SARS2: variants seen among roughly 807,000 people sequenced by gnomAD.
SARS2 encodes serine--tRNA ligase, mitochondrial.
In SARS2, 52 loss-of-function variants were observed where a neutral mutation model predicts 66.8. The observed-to-expected ratio is 0.78, with a 90% CI of 0.62 to 0.98. The LOEUF (loss-of-function observed/expected upper bound fraction) is 0.98, where lower values mean the gene tolerates loss of function less well. Ranked by LOEUF, SARS2 falls within the 50% of genes least tolerant of loss-of-function variation. The pLI is 0.00. For missense variants in SARS2, 673 were observed against 706.3 expected (o/e 0.95, Z 0.53); for synonymous variants, 306 against 281.4 (o/e 1.09, Z -0.87).
intron 5 of SARS2, among the ~76,000 whole-genome samples, chr19:38,921,129 C>A (rs1974526348): frequency 6.6e-6 from 1 of 152,070 alleles, no homozygotes; most frequent in African/African-American, 2.4e-5. Context: ...ACATACACGA[C>A]ACACACTCAC....
chr19:38,918,807 T>G lies in SARS2; in HGVS notation c.766A>C (p.Thr256Pro), dbSNP rs1248018784. ...TFNKLLRRGF[T>P]PMTVPDLLRG... ...AGAAGGTCTGGCACCGTCATGGGGGTGAAGCCCTGTTCAGGGGAGAGGATG... is the reference window on the plus strand; with the variant it reads ...AGAAGGTCTGGCACCGTCATGGGGGGGAAGCCCTGTTCAGGGGAGAGGATG... The change falls in exon 8 of 16, where the codon ACC (threonine) becomes CCC (proline). Residue 256 changes from threonine (T) to proline (P), a missense_variant. Coordinates refer to ENST00000221431, the MANE Select transcript of SARS2 (RefSeq NM_017827.4). The G allele has an allele frequency of 3.2e-6, 5 of 1,560,202 alleles. No homozygotes were observed. The highest frequency in any genetic ancestry group is 4.3e-6 in the Non-Finnish European group (5 of 1,151,342).
rs1974536592 is a variant in SARS2 at position 38,921,558 on chromosome 19, A to G, written c.503T>C (p.Leu168Pro). The G allele has an allele frequency of 6.2e-7, 1 of 1,614,044 alleles. No individual in the cohort carries two copies. ...QLEEQFYLQALKLPNQTHPDV... is the reference protein window; with the variant it reads ...QLEEQFYLQAPKLPNQTHPDV... ...TGGGTGGGTCTGGTTGGGCAGCTTC[A>G]GCGCCTGCAGGTAGAACTGCTCCTC... is the stretch of plus-strand genomic sequence containing the variant. Residue 168 changes from leucine to proline, a missense_variant, in exon 4 of 16, where the codon CTG becomes CCG. Leu to Pro is a moderately conservative substitution (Grantham distance 98). Transcript: ENST00000221431.
intron 2 of SARS2, among the ~76,000 whole-genome samples, chr19:38,922,845 C>A (rs1974562147): frequency 6.6e-6 from 1 of 152,108 alleles, no homozygotes; most frequent in Non-Finnish European, 1.5e-5. Context: ...GGCCTCCCAG[C>A]CATATGGAAC....
At chr19:38,921,487 G>T (rs773417686) in intron 4 of SARS2, 40 bp downstream of exon 4, 3 of 1,614,056 alleles carry the variant, frequency 1.9e-6, no homozygotes, top group East Asian at 4.5e-5. Context: ...GTGGCACTAG[G>T]TGGGCCCCTG....
Position 38,915,824 on chromosome 19 carries a change from G to A in SARS2, c.1413+17C>T, listed in dbSNP as rs564893921. The A allele has an allele frequency of 1.7e-5, 28 of 1,613,230 alleles. No individual in the cohort carries two copies. In the African/African-American group the frequency reaches 3.5e-4, roughly 20 times the overall value. ...GGCGCTGAGCTGCCTCTCTGGGTGG[G>A]CCCCTCAGCCCCTCACCTTCTGCTG... On this transcript the variant is annotated intron_variant, in intron 15 of 15. Coordinates refer to ENST00000221431, the MANE Select transcript of SARS2 (RefSeq NM_017827.4).
intron 2 of SARS2, among the ~76,000 whole-genome samples, chr19:38,922,503 C>T (rs1974555609): frequency 6.6e-6 from 1 of 152,210 alleles, no homozygotes; most frequent in African/African-American, 2.4e-5. Context: ...TGCCTCCATG[C>T]CAGGCTCTAT....
At chr19:38,929,288 C>T (rs1974686304) in intron 1 of SARS2, among the ~76,000 whole-genome samples, 1 of 151,926 alleles carries the variant, frequency 6.6e-6, no homozygotes, top group Non-Finnish European at 1.5e-5. Flanking sequence ...GGTGTGGTGG[C>T]TCATGCCTGT....
intron 1 of SARS2, among the ~76,000 whole-genome samples, chr19:38,928,054 C>G (rs1974659432): frequency 6.6e-6 from 1 of 151,530 alleles, no homozygotes; most frequent in South Asian, 2.1e-4. Flanking sequence ...CAAACAGCTG[C>G]TCAAATGCAC....
chr19:38,926,963 G>A (rs1361488105), intron 1 of SARS2, among the ~76,000 whole-genome samples: 1 of 143,500 alleles, frequency 7.0e-6, no homozygotes, highest in Non-Finnish European at 1.5e-5. Flanking sequence ...CTGAGACAGA[G>A]TCTCACTCTG....
At position 38,916,292 on chromosome 19, in the gene SARS2, C is replaced by A; in HGVS notation, c.1183G>T (p.Glu395Ter). ...HFRVLDMPTQ[E>*]LGLPAYRKFD... ...TTGCGGTAGGCGGGGAGGCCCAGTT[C>A]TTGGGTGGGCATATCCAGGACCCTG... Residue 395 changes from glutamate (E) to a stop codon, truncating the protein, a stop_gained, in exon 13 of 16, where the codon GAA becomes TAA. Coordinates refer to ENST00000221431, the MANE Select transcript of SARS2 (RefSeq NM_017827.4). LOFTEE classifies it high-confidence loss of function. 6.2e-7 allele frequency: 1 copy of A among 1,613,984 alleles called. No individual in the cohort carries two copies. Among genetic ancestry groups the A allele is most frequent in the East Asian group, 2.2e-5 (1 of 44,854 alleles).
At chr19:38,917,539 G>A (rs1600163384) in intron 12 of SARS2, among the ~76,000 whole-genome samples, 185 bp downstream of exon 12, 1 of 152,248 alleles carries the variant, frequency 6.6e-6, no homozygotes, top group Non-Finnish European at 1.5e-5. Context: ...ACAGTCCTGT[G>A]AGGGACGACC....
intron 2 of SARS2, among the ~76,000 whole-genome samples, chr19:38,924,763 C>A (rs983289339): frequency 6.6e-6 from 1 of 152,190 alleles, no homozygotes; most frequent in African/African-American, 2.4e-5. Context: ...CCTGCCTCAG[C>A]CCCAGAGTAG....
intron 1 of SARS2, 143 bp downstream of exon 1, chr19:38,930,327 G>A: frequency 9.3e-7 from 1 of 1,072,366 alleles, no homozygotes. Context: ...ACATAAGTGG[G>A]TGCCATGCAC....
At chr19:38,922,447 A>C (rs1974554448) in intron 2 of SARS2, among the ~76,000 whole-genome samples, 180 bp from the exon 3 acceptor site, 1 of 152,214 alleles carries the variant, frequency 6.6e-6, no homozygotes, top group South Asian at 2.1e-4. Flanking sequence ...ACAAGGAGGC[A>C]AGATAATTAA....
Position 38,917,750 on chromosome 19 carries a change from G to A in SARS2, c.1134C>T (p.Ile378=), listed in dbSNP as rs1455058172. 6.7e-7 allele frequency: 1 copy of A among 1,495,108 alleles called. No homozygotes were observed. Among genetic ancestry groups the A allele is most frequent in the Non-Finnish European group, 9.1e-7 (1 of 1,103,908 alleles). The allele number at this position is 1,495,108 out of a possible 1,614,324, so 92.6% of individuals were successfully genotyped here. A position where few individuals can be genotyped will look rare whatever the true frequency, so the allele number is the denominator to read the frequency against. ...LEEFLSLQME[I]LTELGLHFRV... is the part of the protein sequence containing the mutation. ...GGAAGTGCAAGCCCAGCTCTGTCAA[G>A]ATCTCCATCTGAAGGGACAGGAACT... Residue 378 remains isoleucine, a synonymous_variant, in exon 12 of 16, where the codon ATC becomes ATT. Transcript: ENST00000221431.
At position 38,918,115 on chromosome 19, in the gene SARS2, G is replaced by A. The variant is rs769171598; in HGVS notation, c.941C>T (p.Ala314Val). The A allele has an allele frequency of 1.9e-6, 3 of 1,601,246 alleles. No homozygotes were observed. The highest frequency in any genetic ancestry group is 2.3e-5 in the South Asian group (2 of 88,876). ...LAGYFMDHTV[A>V]FRDLPVRMVC... is the part of the protein sequence containing the mutation. ...TCACCTGACTGGCAGGTCCCTGAAG[G>A]CCACGGTGTGGTCCATGAAGTAGCC... The change falls in exon 10 of 16, where the codon GCC (alanine) becomes GTC (valine). Residue 314 changes from alanine (A) to valine (V), a missense_variant. Coordinates refer to ENST00000221431, the MANE Select transcript of SARS2 (RefSeq NM_017827.4).
At position 38,917,945 on chromosome 19, in the gene SARS2, C is replaced by T. The variant is rs370410310; in HGVS notation, c.1026G>A (p.Leu342=). The T allele has an allele frequency of 6.2e-6, 10 of 1,610,062 alleles. No homozygotes were observed. The Admixed American group carries it at 6.7e-5, about 11-fold the overall frequency. ...ETNTGQEPRG[L]YRVHHFTKVE... ...CCTTGGTGAAGTGGTGTACTCGATA[C>T]AGCCCCCGGGGTTCCTGTCCCGTGT... The change falls in exon 11 of 16, where the codon CTG becomes CTA. Residue 342 remains leucine, a synonymous_variant. Transcript: ENST00000221431.
At position 38,921,771 on chromosome 19, in the gene SARS2, C is replaced by T. The variant is rs905839811; in HGVS notation, c.394-104G>A. 8 of 1,495,102 alleles carry T rather than the reference C, an allele frequency of 5.4e-6. No individual in the cohort carries two copies. The South Asian group carries it at 7.4e-5, about 14-fold the overall frequency. 92.6% of individuals were successfully genotyped at this position (1,495,102 alleles called of 1,614,324 possible). ...AGAGCCCCTGTGGTGGACATTCATG[C>T]CTCTTCTCCAGGCCCAGGATCCTGA... On this transcript the variant is annotated intron_variant, in intron 3 of 15. Coordinates refer to ENST00000221431, the MANE Select transcript of SARS2 (RefSeq NM_017827.4).
intron 2 of SARS2, among the ~76,000 whole-genome samples, chr19:38,925,208 G>C (rs1029194444): frequency 6.6e-6 from 1 of 152,214 alleles, no homozygotes; most frequent in African/African-American, 2.4e-5. Context: ...AGCTACTGGG[G>C]AGGCTGAGGC....
Sources: gnomAD v4.1 joint callset for allele counts (sites outside exome capture counted in the v4.1 genomes callset) on GRCh38, gnomAD v4.1.1 for gene constraint, MANE v1.5 for transcripts, NCBI Gene and HGNC (gene_info 2026-07-23, HGNC 2026-07-21) for gene names.